PRKCE: variants seen among roughly 807,000 people sequenced by gnomAD.
PRKCE encodes protein kinase C epsilon type.
In PRKCE, 16 loss-of-function variants were observed where a neutral mutation model predicts 85.4. That is an observed-to-expected ratio of 0.19 (90% CI 0.13 to 0.28). PRKCE has a LOEUF of 0.28. PRKCE is among the 10% of genes least tolerant of loss of function. The pLI is 1.00. For missense variants in PRKCE, 573 were observed against 975.2 expected, an observed-to-expected ratio of 0.59 and a Z score of 5.49; for synonymous variants, 388 against 371.5, an observed-to-expected ratio of 1.04 and a Z score of -0.51.
intron 1 of PRKCE, among the ~76,000 whole-genome samples, chr2:45,773,922 G>A (rs1406518725): frequency 2.6e-5 from 4 of 152,348 alleles, no homozygotes; most frequent in African/African-American, 7.2e-5. Flanking sequence ...TCCTCGTGGA[G>A]CAGGCCTTCA....
intron 11 of PRKCE, among the ~76,000 whole-genome samples, chr2:46,116,544 A>G (rs80229606): frequency 0.015 from 2,212 of 152,310 alleles, 55 homozygotes; most frequent in African/African-American, 0.051. Flanking sequence ...TACCGTGAGT[A>G]TGTGCTCCCC....
chr2:46,109,763 C>A (rs752968028), intron 11 of PRKCE, among the ~76,000 whole-genome samples: 1 of 151,976 alleles, frequency 6.6e-6, no homozygotes, highest in Non-Finnish European at 1.5e-5. Flanking sequence ...GGGAGAGGAC[C>A]TTCTTGTCTG....
chr2:46,161,054 G>A (rs1008237318), intron 14 of PRKCE, among the ~76,000 whole-genome samples: 1 of 152,200 alleles, frequency 6.6e-6, no homozygotes, highest in African/African-American at 2.4e-5. Flanking sequence ...TTCTTTCTTT[G>A]TAAATATCAC....
At chr2:46,016,778 G>A (rs919871844) in intron 10 of PRKCE, among the ~76,000 whole-genome samples, 10 of 151,664 alleles carry the variant, frequency 6.6e-5, no homozygotes, top group Admixed American at 3.3e-4. Flanking sequence ...ACACGGTGGC[G>A]GGCACCTGTA....
At chr2:45,976,407 C>G (rs1161316412) in intron 2 of PRKCE, 22 bp from the exon 3 acceptor site, 1 of 1,596,372 alleles carries the variant, frequency 6.3e-7, no homozygotes. Context: ...CCGTTTTCTT[C>G]CCTGCTCTTG....
At chr2:45,951,117 G>A (rs139039572) in intron 2 of PRKCE, among the ~76,000 whole-genome samples, 5 of 152,286 alleles carry the variant, frequency 3.3e-5, no homozygotes, top group Non-Finnish European at 5.9e-5. Flanking sequence ...CGTGTTATCC[G>A]GTGCTGCTCT....
chr2:45,957,873 C>T (rs1701076875), intron 2 of PRKCE, among the ~76,000 whole-genome samples: 1 of 150,880 alleles, frequency 6.6e-6, no homozygotes, highest in South Asian at 2.1e-4. Flanking sequence ...GATTATGCCA[C>T]TGCACTAGAT....
At chr2:46,078,833 C>G (rs1470720333) in intron 10 of PRKCE, 1 of 152,148 alleles carries the variant, frequency 6.6e-6, no homozygotes, top group Non-Finnish European at 1.5e-5. Context: ...TTATCTGAAA[C>G]AAATTCCTAT....
At chr2:45,709,043 A>C (rs72884472) in intron 1 of PRKCE, among the ~76,000 whole-genome samples, 3,168 of 152,324 alleles carry the variant, frequency 0.021, 103 homozygotes, top group African/African-American at 0.073. Flanking sequence ...CAATGGCTTG[A>C]GTCAGGATCA....
At chr2:46,081,649 G>T (rs762094818) in intron 10 of PRKCE, among the ~76,000 whole-genome samples, 9 of 152,200 alleles carry the variant, frequency 5.9e-5, no homozygotes, top group Admixed American at 5.9e-4. Flanking sequence ...AGAAGAAAAC[G>T]TTCCAGGCAG....
chr2:45,832,764 C>T (rs1299100435), intron 1 of PRKCE, among the ~76,000 whole-genome samples: 1 of 152,136 alleles, frequency 6.6e-6, no homozygotes, highest in African/African-American at 2.4e-5. Flanking sequence ...CTTGGAGAAC[C>T]CGGCTTTAAC....
At position 45,945,238 on chromosome 2, in the gene PRKCE, C is replaced by T. The variant is rs138957533; in HGVS notation, c.413-31191C>T. Among the ~76,000 whole-genome samples the T allele has an allele frequency of 2.6e-5, 4 of 152,256 alleles. No homozygotes were observed. In the East Asian group the frequency reaches 7.7e-4, roughly 29 times the overall value. ...AAAGAAAAGAGGTTTAATTGGCTCA[C>T]AGTTCTGCAGGCTGTACAAGCATGG... On this transcript the variant is annotated intron_variant, in intron 2 of 14. Coordinates refer to ENST00000306156, the MANE Select transcript of PRKCE (RefSeq NM_005400.3).
chr2:45,849,348 C>T (rs935134590), intron 2 of PRKCE, among the ~76,000 whole-genome samples: 3 of 152,124 alleles, frequency 2.0e-5, no homozygotes, highest in Admixed American at 6.6e-5. Flanking sequence ...GGCATCCCAT[C>T]GTGGTCTTTG....
chr2:45,727,197 T>C (rs910210996), intron 1 of PRKCE, among the ~76,000 whole-genome samples: 1 of 152,202 alleles, frequency 6.6e-6, no homozygotes, highest in Non-Finnish European at 1.5e-5. Flanking sequence ...AGTAGAAAAC[T>C]GTGTAGACAA....
intron 2 of PRKCE, among the ~76,000 whole-genome samples, chr2:45,942,127 G>A (rs566761115): frequency 1.3e-5 from 2 of 152,322 alleles, no homozygotes. Flanking sequence ...AGATGTATGG[G>A]AGCCAGGCTT....
At chr2:45,991,702 C>G (rs535914554) in intron 6 of PRKCE, among the ~76,000 whole-genome samples, 28 of 152,248 alleles carry the variant, frequency 1.8e-4, no homozygotes, top group African/African-American at 6.7e-4. Context: ...AAAGAAAGGC[C>G]CACAGAAATC....
intron 11 of PRKCE, among the ~76,000 whole-genome samples, chr2:46,117,842 C>A (rs542551320): frequency 5.3e-5 from 8 of 152,226 alleles, no homozygotes; most frequent in Non-Finnish European, 7.4e-5. Context: ...GAATCTTTGT[C>A]AACTAGTTGC....
At chr2:45,970,859 T>C (rs1406161564) in intron 2 of PRKCE, among the ~76,000 whole-genome samples, 2 of 149,796 alleles carry the variant, frequency 1.3e-5, no homozygotes, top group Non-Finnish European at 1.5e-5. Context: ...ATCATACATA[T>C]TATATATACT....
intron 14 of PRKCE, among the ~76,000 whole-genome samples, chr2:46,171,746 A>C (rs1197291941): frequency 6.6e-6 from 1 of 152,148 alleles, no homozygotes. Flanking sequence ...CAAAGTCTCC[A>C]TCTGCAGCTT....
Sources: gnomAD v4.1 joint callset for allele counts (sites outside exome capture counted in the v4.1 genomes callset) on GRCh38, gnomAD v4.1.1 for gene constraint, MANE v1.5 for transcripts, NCBI Gene and HGNC (gene_info 2026-07-23, HGNC 2026-07-21) for gene names.